TMCC1: variants seen among roughly 807,000 people sequenced by gnomAD.
The protein encoded by TMCC1 is transmembrane and coiled-coil domains protein 1.
A neutral mutation model predicts 52.4 loss-of-function variants in TMCC1; 15 were observed. The ratio of observed to expected loss-of-function variants is 0.29; its 90% CI spans 0.19 to 0.44. The LOEUF (loss-of-function observed/expected upper bound fraction) is 0.44. Ranked by LOEUF, TMCC1 falls within the 20% of genes least tolerant of loss-of-function variation. The pLI, the probability that TMCC1 is intolerant of heterozygous loss-of-function variation, is 1.00. For missense variants in TMCC1, 503 were observed against 806.0 expected, an observed-to-expected ratio of 0.62 and a Z score of 4.55; for synonymous variants, 279 against 301.9, an observed-to-expected ratio of 0.92 and a Z score of 0.79.
chr3:129,665,757 C>A (rs1344897373), intron 5 of TMCC1, among the ~76,000 whole-genome samples: 2 of 152,150 alleles, frequency 1.3e-5, no homozygotes, highest in Admixed American at 6.5e-5. Flanking sequence ...GGTTTTGAAT[C>A]CTGGCTTTAC....
intron 5 of TMCC1, among the ~76,000 whole-genome samples, chr3:129,662,916 T>C (rs1223677821): frequency 2.0e-5 from 3 of 152,206 alleles, no homozygotes; most frequent in African/African-American, 7.2e-5. Context: ...GCCTTTGCAC[T>C]GTAAGATTAT....
Position 129,828,401 on chromosome 3 carries a change from T to C in TMCC1, c.-23A>G, listed in dbSNP as rs1338231199. On this transcript the variant is annotated 5_prime_UTR_variant, in exon 4 of 7. Transcript: ENST00000393238. This position sits in a 1 kb window ranked among gnomAD's most constrained non-coding sequence, Gnocchi z 4.1. ...CATCAGTAGACTTAATATGCTTATT[T>C]GCAAACTCAAAAAAATTTTTTAAAC... is the stretch of plus-strand genomic sequence containing the variant. 1.3e-6 allele frequency: 2 copies of C among 1,593,962 alleles called. No individual in the cohort carries two copies. The highest frequency in any genetic ancestry group is 1.7e-6 in the Non-Finnish European group (2 of 1,170,314).
intron 2 of TMCC1, among the ~76,000 whole-genome samples, chr3:129,875,031 T>C (rs1190701816): frequency 1.3e-5 from 2 of 152,116 alleles, no homozygotes; most frequent in African/African-American, 4.8e-5. Context: ...CAACCTTCTC[T>C]GGGTTTTCCA....
chr3:129,742,967 G>A (rs1309139755), intron 4 of TMCC1, among the ~76,000 whole-genome samples: 2 of 152,168 alleles, frequency 1.3e-5, no homozygotes, highest in African/African-American at 4.8e-5. Context: ...CTTTATAGAA[G>A]ATGTCCAGAA....
chr3:129,772,290 G>C (rs571335665), intron 4 of TMCC1, among the ~76,000 whole-genome samples: 1 of 152,124 alleles, frequency 6.6e-6, no homozygotes, highest in East Asian at 1.9e-4. Context: ...GAAGTGAGTC[G>C]AGGTCGTGCC....
chr3:129,745,270 C>T (rs1270850957), intron 4 of TMCC1, among the ~76,000 whole-genome samples: 1 of 152,196 alleles, frequency 6.6e-6, no homozygotes, highest in East Asian at 1.9e-4. Context: ...TTCTCTTGGG[C>T]TTGTATGATG....
chr3:129,884,380 T>A (rs2061597333), intron 1 of TMCC1, among the ~76,000 whole-genome samples: 1 of 151,996 alleles, frequency 6.6e-6, no homozygotes, highest in Non-Finnish European at 1.5e-5. Context: ...GTAATCCCAG[T>A]ACTTTGGGAG....
intron 4 of TMCC1, among the ~76,000 whole-genome samples, chr3:129,762,269 G>A (rs1036775299): frequency 5.9e-5 from 9 of 151,910 alleles, no homozygotes; most frequent in Admixed American, 6.6e-5. Context: ...TGAACTCCTG[G>A]GCTCAATCAA....
At chr3:129,767,492 C>T (rs1340446797) in intron 4 of TMCC1, among the ~76,000 whole-genome samples, 1 of 151,900 alleles carries the variant, frequency 6.6e-6, no homozygotes, top group African/African-American at 2.4e-5. Flanking sequence ...CTTGCCTCAC[C>T]CTCTTGAGTA....
At chr3:129,769,964 G>C (rs1249122010) in intron 4 of TMCC1, among the ~76,000 whole-genome samples, 1 of 152,148 alleles carries the variant, frequency 6.6e-6, no homozygotes, top group Admixed American at 6.5e-5. Flanking sequence ...TCTATAAAGT[G>C]ATGATTACCA....
intron 2 of TMCC1, among the ~76,000 whole-genome samples, chr3:129,834,206 T>C (rs2059051299): frequency 6.6e-6 from 1 of 152,140 alleles, no homozygotes; most frequent in African/African-American, 2.4e-5. Flanking sequence ...AGCAGAAAGA[T>C]GTGGGCCAAT....
intron 4 of TMCC1, among the ~76,000 whole-genome samples, chr3:129,812,506 AATACCCCTGTTCAAG>A (rs1271981497): frequency 6.6e-6 from 1 of 152,086 alleles, no homozygotes; most frequent in East Asian, 1.9e-4. Flanking sequence ...TTTCACTTTT[AATACCCCTGTTCAAG>A]ATATTTTATT....
At chr3:129,798,921 T>C (rs190144592) in intron 4 of TMCC1, among the ~76,000 whole-genome samples, 4 of 152,366 alleles carry the variant, frequency 2.6e-5, no homozygotes, top group Admixed American at 6.5e-5. Flanking sequence ...TTAAATGAGA[T>C]TCTTTTGGCA....
At chr3:129,767,885 C>T (rs1175021755) in intron 4 of TMCC1, among the ~76,000 whole-genome samples, 2 of 152,176 alleles carry the variant, frequency 1.3e-5, no homozygotes, top group Non-Finnish European at 2.9e-5. Flanking sequence ...TCACCCCCAA[C>T]TTAAAAAATA....
intron 5 of TMCC1, among the ~76,000 whole-genome samples, chr3:129,669,922 T>C (rs559573862): frequency 4.4e-4 from 67 of 152,340 alleles, no homozygotes; most frequent in African/African-American, 1.4e-3. Context: ...CTAATCTTTC[T>C]ATACCAAGTT....
At chr3:129,849,560 C>T (rs186677119) in intron 2 of TMCC1, among the ~76,000 whole-genome samples, 58 of 151,510 alleles carry the variant, frequency 3.8e-4, no homozygotes, top group Middle Eastern at 3.5e-3. Flanking sequence ...GTCAGGAGAT[C>T]GAGACCATCC....
At chr3:129,812,336 C>CAAAAAAAA (rs11387876) in intron 4 of TMCC1, among the ~76,000 whole-genome samples, 1 of 56,022 alleles carries the variant, frequency 1.8e-5, no homozygotes, top group Non-Finnish European at 2.9e-5. Flanking sequence ...GACTCTGTCT[C>CAAAAAAAA]AAAAAAAAAA....
chr3:129,726,731 T>G (rs1395052756), intron 4 of TMCC1, among the ~76,000 whole-genome samples: 1 of 150,360 alleles, frequency 6.7e-6, no homozygotes, highest in Non-Finnish European at 1.5e-5. Flanking sequence ...ATACAAAAAT[T>G]AGCTGGGTGA....
chr3:129,827,663 A>G lies in TMCC1; in HGVS notation c.576+140T>C, dbSNP rs1454203223. 2.1e-5 allele frequency: 21 copies of G among 982,938 alleles called. No homozygotes were observed. The East Asian group carries it at 4.3e-4, about 20-fold the overall frequency. The allele number at this position is 982,938 out of a possible 1,614,324, so 60.9% of individuals were successfully genotyped here. On this transcript the variant is annotated intron_variant, in intron 4 of 6. Coordinates refer to ENST00000393238, the MANE Select transcript of TMCC1 (RefSeq NM_001017395.5). Reference sequence around the variant, plus strand: ...CATTAGCTATAATTATTATTTACCCATTTGAAAAGGGGAAAAATTCTTTTA... The same window carrying G: ...CATTAGCTATAATTATTATTTACCCGTTTGAAAAGGGGAAAAATTCTTTTA...
Sources: gnomAD v4.1 joint callset for allele counts (sites outside exome capture counted in the v4.1 genomes callset) on GRCh38, gnomAD v4.1.1 for gene constraint, Gnocchi (gnomAD v3.1) non-coding constraint, MANE v1.5 for transcripts, NCBI Gene and HGNC (gene_info 2026-07-23, HGNC 2026-07-21) for gene names.